R3HCC1L: variants seen among roughly 807,000 people sequenced by gnomAD.
The protein encoded by R3HCC1L is R3H domain and coiled-coil containing 1 like.
In R3HCC1L, 51 loss-of-function variants were observed where a neutral mutation model predicts 59.9. The observed-to-expected ratio is 0.85, with a 90% CI of 0.68 to 1.07. The LOEUF (loss-of-function observed/expected upper bound fraction) is 1.07, where lower values mean the gene tolerates loss of function less well. R3HCC1L is among the 50% of genes least tolerant of loss of function. The pLI is 0.00. For missense variants in R3HCC1L, 965 were observed against 933.0 expected (o/e 1.03, Z -0.45); for synonymous variants, 322 against 315.2 (o/e 1.02, Z -0.23).
rs1227901484 is a variant in R3HCC1L, at chr10:98,197,725, AGAG to A, written c.-14-10375_-14-10373del. Among the ~76,000 whole-genome samples, 4 of 152,334 alleles carry A rather than the reference AGAG, an allele frequency of 2.6e-5. No individual in the cohort carries two copies. In the East Asian group the frequency reaches 5.8e-4, roughly 22 times the overall value. ...AAAGAAACTAACTCTACACTGAAGAAGAGAGGCAGATGTGCAAACAAGTAACTA... is the reference window on the plus strand; with the variant it reads ...AAAGAAACTAACTCTACACTGAAGAAAGGCAGATGTGCAAACAAGTAACTA... On this transcript the variant is annotated intron_variant, in intron 4 of 9. Coordinates refer to ENST00000298999, the MANE Select transcript of R3HCC1L (RefSeq NM_001351015.2).
intron 5 of R3HCC1L, 121 bp from the exon 6 acceptor site, chr10:98,231,391 G>T: frequency 1.1e-6 from 1 of 911,614 alleles, no homozygotes; most frequent in Non-Finnish European, 1.7e-6. Context: ...CAGAGACTAT[G>T]CCAAAGGTTG....
rs778082897 is a variant in R3HCC1L at position 98,236,088 on chromosome 10, C to T, written c.2193C>T (p.Ile731=). The part of the protein sequence containing the change: ...TSAALARRLV[I]SALGVRSKQS... The stretch of plus-strand genomic sequence containing the variant: ...CAGCCCTAGCCAGAAGGTTAGTCAT[C>T]AGTGCCCTTGGGGTTCGAAGTAAGC... Residue 731 remains isoleucine, a synonymous_variant, in exon 9 of 10, where the codon ATC becomes ATT. Coordinates refer to ENST00000298999, the MANE Select transcript of R3HCC1L (RefSeq NM_001351015.2). The T allele has an allele frequency of 1.2e-6, 2 of 1,614,014 alleles. No homozygotes were observed. Among genetic ancestry groups the T allele is most frequent in the East Asian group, 4.5e-5 (2 of 44,890 alleles).
At chr10:98,139,779 G>A (rs1279255592) in intron 1 of R3HCC1L, among the ~76,000 whole-genome samples, 1 of 152,004 alleles carries the variant, frequency 6.6e-6, no homozygotes, top group Non-Finnish European at 1.5e-5. Context: ...TCTCATGCTA[G>A]CCTTCTGTAT....
At chr10:98,241,794 A>G (rs1381013244) in intron 9 of R3HCC1L, among the ~76,000 whole-genome samples, 1 of 152,194 alleles carries the variant, frequency 6.6e-6, no homozygotes, top group Non-Finnish European at 1.5e-5. Context: ...TCCCAGATTC[A>G]GTTCTTTCAC....
intron 5 of R3HCC1L, among the ~76,000 whole-genome samples, chr10:98,220,050 T>C (rs1445855559): frequency 6.6e-6 from 1 of 152,192 alleles, no homozygotes; most frequent in Admixed American, 6.5e-5. Context: ...TCATTTCATG[T>C]AGGCTTTCTT....
At chr10:98,233,390 G>A (rs1055055137) in intron 6 of R3HCC1L, among the ~76,000 whole-genome samples, 15 of 152,094 alleles carry the variant, frequency 9.9e-5, no homozygotes, top group African/African-American at 3.4e-4. Flanking sequence ...TTATAAAAAT[G>A]AAAATATTAA....
intron 5 of R3HCC1L, among the ~76,000 whole-genome samples, chr10:98,219,652 C>G (rs746281011): frequency 1.3e-4 from 20 of 152,122 alleles, no homozygotes; most frequent in Non-Finnish European, 1.3e-4. Flanking sequence ...CTTTCACTTC[C>G]AGGTGTAAGA....
At chr10:98,175,909 AT>A (rs1848965473) in intron 4 of R3HCC1L, among the ~76,000 whole-genome samples, 1 of 152,206 alleles carries the variant, frequency 6.6e-6, no homozygotes, top group Non-Finnish European at 1.5e-5. Flanking sequence ...AAGTGTTAAA[AT>A]TGTAGGTTTA....
At chr10:98,237,863 T>A (rs971016531) in intron 9 of R3HCC1L, among the ~76,000 whole-genome samples, 1 of 152,234 alleles carries the variant, frequency 6.6e-6, no homozygotes, top group East Asian at 1.9e-4. Context: ...TTAAATATTT[T>A]TTTTCAGTGG....
intron 4 of R3HCC1L, among the ~76,000 whole-genome samples, chr10:98,180,287 G>A (rs994387632): frequency 5.9e-5 from 9 of 152,022 alleles, no homozygotes; most frequent in Non-Finnish European, 8.8e-5. Flanking sequence ...AAAGAACATC[G>A]TTATTTCTGC....
Position 98,224,500 on chromosome 10 carries a change from C to T in R3HCC1L, c.1786-7012C>T, listed in dbSNP as rs190521493. ...TAGTTTATAGACTTGTTTTCAAGAC[C>T]AGACTGCTAGGCCCTAAGTGTCTTC... On this transcript the variant is annotated intron_variant, in intron 5 of 9. Coordinates refer to ENST00000298999, the MANE Select transcript of R3HCC1L (RefSeq NM_001351015.2). 1.6e-4 allele frequency among the ~76,000 whole-genome samples: 24 copies of T among 152,230 alleles called. 1 individual carries two copies. The highest frequency in any genetic ancestry group is 1.6e-3 in the Admixed American group (24 of 15,296).
intron 9 of R3HCC1L, among the ~76,000 whole-genome samples, chr10:98,236,958 G>A (rs1248876472): frequency 6.6e-6 from 1 of 152,172 alleles, no homozygotes; most frequent in African/African-American, 2.4e-5. Context: ...TTACCGAAAA[G>A]TAACTTCATT....
chr10:98,241,240 T>C (rs188594522), intron 9 of R3HCC1L, among the ~76,000 whole-genome samples: 47 of 152,342 alleles, frequency 3.1e-4, no homozygotes, highest in African/African-American at 1.1e-3. Flanking sequence ...TTGTTCTGTA[T>C]GTGACTACAG....
At chr10:98,223,312 G>C (rs905055732) in intron 5 of R3HCC1L, among the ~76,000 whole-genome samples, 6 of 152,106 alleles carry the variant, frequency 3.9e-5, no homozygotes, top group Non-Finnish European at 8.8e-5. Context: ...CAAAACGAAT[G>C]CAGCAGCACA....
chr10:98,188,296 C>G (rs1850453533), intron 4 of R3HCC1L, among the ~76,000 whole-genome samples: 1 of 152,176 alleles, frequency 6.6e-6, no homozygotes, highest in South Asian at 2.1e-4. Flanking sequence ...GTCAGACAAG[C>G]TTACAGTTTG....
chr10:98,180,120 G>A (rs1424283746), intron 4 of R3HCC1L, among the ~76,000 whole-genome samples: 2 of 152,124 alleles, frequency 1.3e-5, no homozygotes, highest in East Asian at 3.9e-4. Context: ...GTTTGCTCTT[G>A]CTTCTCTAGT....
chr10:98,139,231 G>A (rs544936264), intron 1 of R3HCC1L, among the ~76,000 whole-genome samples: 7 of 152,226 alleles, frequency 4.6e-5, no homozygotes, highest in South Asian at 4.1e-4. Flanking sequence ...TGGCCCTAAT[G>A]CAACTCATTA....
At chr10:98,178,220 C>A (rs1849242033) in intron 4 of R3HCC1L, among the ~76,000 whole-genome samples, 1 of 152,092 alleles carries the variant, frequency 6.6e-6, no homozygotes, top group Non-Finnish European at 1.5e-5. Context: ...AGTCTTTAAT[C>A]CATCTCGAAT....
At chr10:98,203,267 GAGAGGAAGA>G (rs1331524750) in intron 4 of R3HCC1L, among the ~76,000 whole-genome samples, 2 of 152,162 alleles carry the variant, frequency 1.3e-5, no homozygotes, top group African/African-American at 4.8e-5. Flanking sequence ...TGTATGTAAA[GAGAGGAAGA>G]GGAGGAGGAA....
Sources: gnomAD v4.1 joint callset for allele counts (sites outside exome capture counted in the v4.1 genomes callset) on GRCh38, gnomAD v4.1.1 for gene constraint, MANE v1.5 for transcripts, NCBI Gene and HGNC (gene_info 2026-07-23, HGNC 2026-07-21) for gene names.